The following WDFY3 variants were observed in gnomAD, a reference collection of about 807,000 sequenced individuals.
WDFY3 encodes the protein WD repeat and FYVE domain containing 3.
In WDFY3, 66 loss-of-function variants were observed where a neutral mutation model predicts 409.6. The ratio of observed to expected loss-of-function variants is 0.16; its 90% CI spans 0.13 to 0.20. The LOEUF is 0.20. Among genes scored for constraint, WDFY3 ranks in the 10% least tolerant of loss-of-function variants. WDFY3 has a pLI of 1.00. For missense variants in WDFY3, 3,031 were observed against 4,298.1 expected (o/e 0.71, Z 8.24); for synonymous variants, 1,521 against 1,537.1 (o/e 0.99, Z 0.25).
At chr4:84,867,253 G>A (rs141300366) in intron 3 of WDFY3, among the ~76,000 whole-genome samples, 11 of 152,100 alleles carry the variant, frequency 7.2e-5, no homozygotes, top group African/African-American at 2.4e-4. Flanking sequence ...AATACTATAA[G>A]CCCCTACAGT....
chr4:84,803,382 G>A lies in WDFY3; in HGVS notation c.2515C>T (p.Leu839=). The change falls in exon 16 of 68, where the codon CTG becomes TTG. Residue 839 remains leucine (L), a synonymous_variant. Transcript: ENST00000295888. ...ATGATGACTGCATCAGAACTCTGCA[G>A]AGATGAAGTTGTCACATGTAGTTTC... is the stretch of plus-strand genomic sequence containing the variant. ...DLKLHVTTSS[L]QSSDAVIIHP... is the part of the protein sequence containing the mutation. The A allele has an allele frequency of 6.2e-7, 1 of 1,614,162 alleles. No homozygotes were observed. Among genetic ancestry groups the A allele is most frequent in the Non-Finnish European group, 8.5e-7 (1 of 1,180,026 alleles).
chr4:84,779,377 CA>C (rs1746113320), intron 26 of WDFY3, among the ~76,000 whole-genome samples: 1 of 150,862 alleles, frequency 6.6e-6, no homozygotes, highest in Non-Finnish European at 1.5e-5. Context: ...CCTCTTCTTA[CA>C]AGTGATTTTT....
At position 84,672,763 on chromosome 4, in the gene WDFY3, T is replaced by A; in HGVS notation, c.*105A>T. The stretch of plus-strand genomic sequence containing the variant: ...ATTTTAACACTTCAAACACGTGGTA[T>A]GAAGAGATGTGTAAACGGAGACTGT... On this transcript the variant is annotated 3_prime_UTR_variant, in exon 68 of 68. Coordinates refer to ENST00000295888, the MANE Select transcript of WDFY3 (RefSeq NM_014991.6). 6.7e-7 allele frequency: 1 copy of A among 1,484,268 alleles called. No homozygotes were observed. Among genetic ancestry groups the A allele is most frequent in the African/African-American group, 1.4e-5 (1 of 71,236 alleles). The allele number at this position is 1,484,268 out of a possible 1,614,324, so 91.9% of individuals were successfully genotyped here.
At chr4:84,675,643 C>T (rs1474710480) in intron 67 of WDFY3, among the ~76,000 whole-genome samples, 3 of 152,146 alleles carry the variant, frequency 2.0e-5, no homozygotes, top group African/African-American at 4.8e-5. Flanking sequence ...TATGCCCATA[C>T]CAGTAAGCCA....
At chr4:84,963,349 C>T (rs939340889) in intron 1 of WDFY3, among the ~76,000 whole-genome samples, 1 of 150,248 alleles carries the variant, frequency 6.7e-6, no homozygotes, top group African/African-American at 2.5e-5. Flanking sequence ...TCTCGAAACC[C>T]GGGAGGCAGA....
intron 1 of WDFY3, among the ~76,000 whole-genome samples, chr4:84,946,726 C>T (rs115925071): frequency 0.022 from 3,293 of 152,218 alleles, 58 homozygotes; most frequent in Non-Finnish European, 0.033. Context: ...ATTCCTAGCG[C>T]GCTATACATC....
rs1410941480 is a variant in WDFY3 at position 84,696,769 on chromosome 4, T to C, written c.8651A>G (p.Lys2884Arg). 1 of 1,613,878 alleles carries C rather than the reference T, an allele frequency of 6.2e-7. No individual in the cohort carries two copies. The highest frequency in any genetic ancestry group is 1.3e-5 in the African/African-American group (1 of 74,902). ...TCTGATGAATTCTCGTGGGTCCCCTTTTGCCCAGGGTGGAAGGATAACATC... is the reference window on the plus strand; with the variant it reads ...TCTGATGAATTCTCGTGGGTCCCCTCTTGCCCAGGGTGGAAGGATAACATC... ...LGDVILPPWA[K>R]GDPREFIRVH... Residue 2884 changes from lysine (K) to arginine (R), a missense_variant, in exon 57 of 68, where the codon AAA (lysine) becomes AGA (arginine). This residue lies in a region of WDFY3 where 129 missense variants were observed against 305.3 expected (regional missense o/e 0.42). Coordinates refer to ENST00000295888, the MANE Select transcript of WDFY3 (RefSeq NM_014991.6).
intron 36 of WDFY3, among the ~76,000 whole-genome samples, chr4:84,747,625 T>A (rs1357047400): frequency 6.6e-6 from 1 of 152,128 alleles, no homozygotes; most frequent in Non-Finnish European, 1.5e-5. Flanking sequence ...CCACAAGTCA[T>A]GAGAGGGACA....
intron 2 of WDFY3, among the ~76,000 whole-genome samples, chr4:84,901,847 AT>A (rs1473046692): frequency 6.6e-6 from 1 of 152,098 alleles, no homozygotes; most frequent in African/African-American, 2.4e-5. Context: ...CCATCTCAGT[AT>A]TTCCCTGTGA....
chr4:84,872,021 A>T (rs911725373), intron 3 of WDFY3, among the ~76,000 whole-genome samples: 2 of 152,224 alleles, frequency 1.3e-5, no homozygotes. Context: ...TGAATAAGTA[A>T]GATAAATGGG....
At chr4:84,847,564 A>G (rs982409190) in intron 5 of WDFY3, among the ~76,000 whole-genome samples, 4 of 148,544 alleles carry the variant, frequency 2.7e-5, no homozygotes, top group African/African-American at 9.9e-5. Flanking sequence ...CAGGAGATAG[A>G]GACCATCCTG....
chr4:84,813,039 T>C (rs1298435242), intron 13 of WDFY3, among the ~76,000 whole-genome samples: 1 of 152,124 alleles, frequency 6.6e-6, no homozygotes, highest in Admixed American at 6.6e-5. Context: ...TTCCATGACA[T>C]GTCATGGAAT....
chr4:84,954,556 A>G (rs1452092751), intron 1 of WDFY3, among the ~76,000 whole-genome samples: 2 of 152,280 alleles, frequency 1.3e-5, no homozygotes, highest in East Asian at 3.9e-4. Flanking sequence ...AAAGAAACAT[A>G]ATAAAACACA....
intron 2 of WDFY3, among the ~76,000 whole-genome samples, chr4:84,930,920 A>C (rs777802648): frequency 7.2e-5 from 11 of 152,200 alleles, no homozygotes; most frequent in Non-Finnish European, 1.0e-4. Context: ...CACAATCCAA[A>C]AATATTATAT....
chr4:84,717,744 G>A (rs1486520824), intron 48 of WDFY3, among the ~76,000 whole-genome samples: 2 of 152,086 alleles, frequency 1.3e-5, no homozygotes, highest in Non-Finnish European at 2.9e-5. Flanking sequence ...AGGGTGCTCC[G>A]AGTACCTGAT....
At chr4:84,751,191 G>A (rs1039903972) in intron 36 of WDFY3, 5 of 429,250 alleles carry the variant, frequency 1.2e-5, no homozygotes, top group African/African-American at 1.0e-4. Context: ...AGACCGTATG[G>A]CCCACAAGCT....
At chr4:84,734,398 T>C (rs544475919) in intron 43 of WDFY3, among the ~76,000 whole-genome samples, 1 of 152,282 alleles carries the variant, frequency 6.6e-6, no homozygotes, top group South Asian at 2.1e-4. Flanking sequence ...AAATTATCTA[T>C]CACAGTAGTA....
At chr4:84,717,375 A>T (rs11724870) in intron 48 of WDFY3, among the ~76,000 whole-genome samples, 27,770 of 152,146 alleles carry the variant, frequency 0.18, 4,496 homozygotes, top group African/African-American at 0.43. Flanking sequence ...TTTTAATATA[A>T]GATTATATTT....
At chr4:84,806,240 CAT>C (rs200220598) in intron 15 of WDFY3, among the ~76,000 whole-genome samples, 2,110 of 152,258 alleles carry the variant, frequency 0.014, 29 homozygotes, top group Non-Finnish European at 0.022. Flanking sequence ...AAGTAAAAAA[CAT>C]AATATTCTTT....
Sources: gnomAD v4.1 joint callset for allele counts (sites outside exome capture counted in the v4.1 genomes callset) on GRCh38, gnomAD v4.1.1 for gene constraint, gnomAD v4.1.1 regional missense constraint, MANE v1.5 for transcripts, NCBI Gene and HGNC (gene_info 2026-07-23, HGNC 2026-07-21) for gene names.